The following RGS7 variants were observed in gnomAD, a reference collection of about 807,000 sequenced individuals.
RGS7 encodes the protein regulator of G protein signaling 7.
In RGS7, 27 loss-of-function variants were observed where a neutral mutation model predicts 81.1. That is an observed-to-expected ratio of 0.33 (90% CI 0.25 to 0.46). RGS7 has a LOEUF of 0.46. Ranked by LOEUF, RGS7 falls within the 20% of genes least tolerant of loss-of-function variation. RGS7 has a pLI of 1.00. For synonymous variants in RGS7, 208 were observed against 207.7 expected (o/e 1.00, Z -0.01); for missense variants, 396 against 607.4 (o/e 0.65, Z 3.66).
intron 2 of RGS7, among the ~76,000 whole-genome samples, chr1:241,327,147 G>GAAAAGAAAGAAAGAAAGAAAAGA (rs1553320967): frequency 2.3e-4 from 17 of 74,478 alleles, no homozygotes; most frequent in African/African-American, 6.5e-4. Flanking sequence ...AGAAAGAAAG[G>GAAAAGAAAGAAAGAAAGAAAAGA]AAAGAAAGAA....
chr1:240,878,869 G>GCT (rs1665919196), intron 6 of RGS7, among the ~76,000 whole-genome samples: 1 of 152,036 alleles, frequency 6.6e-6, no homozygotes, highest in African/African-American at 2.4e-5. Context: ...TATGAATGTA[G>GCT]CTCACATTGA....
intron 3 of RGS7, among the ~76,000 whole-genome samples, chr1:241,027,018 C>A (rs150732874): frequency 2.3e-4 from 34 of 149,590 alleles, no homozygotes; most frequent in East Asian, 1.8e-3. Flanking sequence ...ATAAAAAGAC[C>A]CCATCTCTAC....
chr1:241,148,717 A>G (rs568383902), intron 2 of RGS7, among the ~76,000 whole-genome samples: 4 of 152,264 alleles, frequency 2.6e-5, no homozygotes, highest in Non-Finnish European at 5.9e-5. Flanking sequence ...GTGTTATTGT[A>G]AAGATGTGAA....
At chr1:240,801,908 C>G (rs1688083675) in intron 16 of RGS7, among the ~76,000 whole-genome samples, 1 of 152,122 alleles carries the variant, frequency 6.6e-6, no homozygotes, top group Non-Finnish European at 1.5e-5. Context: ...TTCCATAGAG[C>G]ATTAATGTCT....
At chr1:241,338,644 C>A (rs1440010067) in intron 2 of RGS7, among the ~76,000 whole-genome samples, 1 of 151,484 alleles carries the variant, frequency 6.6e-6, no homozygotes, top group Non-Finnish European at 1.5e-5. Context: ...AGGAAAATGG[C>A]AATTTTAAAA....
chr1:240,986,571 ATTTTTTTTTTTTTTTT>A (rs1172119682), intron 3 of RGS7, among the ~76,000 whole-genome samples: 95 of 4,350 alleles, frequency 0.022, 46 homozygotes, highest in African/African-American at 0.08. Context: ...CACCACTATT[ATTTTTTTTTTTTTTTT>A]TTTTTTTTTT....
intron 4 of RGS7, among the ~76,000 whole-genome samples, chr1:240,976,702 T>C (rs1445526784): frequency 6.6e-6 from 1 of 152,022 alleles, no homozygotes; most frequent in East Asian, 1.9e-4. Flanking sequence ...TTCTCAAAAT[T>C]GTGTGAGCAA....
At chr1:241,344,980 A>T (rs1225301904) in intron 2 of RGS7, among the ~76,000 whole-genome samples, 2 of 152,256 alleles carry the variant, frequency 1.3e-5, no homozygotes, top group African/African-American at 4.8e-5. Context: ...CATGGAATTA[A>T]CATAAATGCC....
chr1:240,842,125 T>C (rs1361223358), intron 9 of RGS7, among the ~76,000 whole-genome samples: 2 of 151,790 alleles, frequency 1.3e-5, no homozygotes, highest in African/African-American at 4.8e-5. Context: ...AGCAGTATAA[T>C]TTGACATCAA....
intron 4 of RGS7, among the ~76,000 whole-genome samples, chr1:240,966,246 A>T (rs1337589494): frequency 2.0e-5 from 3 of 152,164 alleles, no homozygotes; most frequent in African/African-American, 7.2e-5. Context: ...AAAAAAGATT[A>T]TTTGCAGGAT....
chr1:240,775,789 C>A lies in RGS7; in HGVS notation c.*431G>T. ...CCACATGTATACTTATTGATATATACTTTTTTCTTTTACAGTTCTTCCAGT... is the reference window on the plus strand; with the variant it reads ...CCACATGTATACTTATTGATATATAATTTTTTCTTTTACAGTTCTTCCAGT... On this transcript the variant is annotated 3_prime_UTR_variant, in exon 19 of 19. Coordinates refer to ENST00000440928, the MANE Select transcript of RGS7 (RefSeq NM_001364886.1). 7.9e-6 allele frequency: 2 copies of A among 251,982 alleles called. No homozygotes were observed. Among genetic ancestry groups the A allele is most frequent in the Non-Finnish European group, 7.9e-6 (1 of 127,060 alleles). The allele number at this position is 251,982 out of a possible 1,614,324, so 15.6% of individuals were successfully genotyped here.
chr1:240,969,973 T>A (rs760947160), intron 4 of RGS7, among the ~76,000 whole-genome samples: 4 of 152,234 alleles, frequency 2.6e-5, no homozygotes, highest in African/African-American at 9.6e-5. Context: ...TTTCTTCAAA[T>A]TTTCTTTCTT....
At chr1:241,212,673 AT>A (rs2074313011) in intron 2 of RGS7, among the ~76,000 whole-genome samples, 1 of 152,170 alleles carries the variant, frequency 6.6e-6, no homozygotes, top group African/African-American at 2.4e-5. Context: ...TCTCATTTCA[AT>A]TGAAGAAATC....
At chr1:240,810,336 A>G (rs1277144961) in intron 14 of RGS7, among the ~76,000 whole-genome samples, 4 of 152,160 alleles carry the variant, frequency 2.6e-5, no homozygotes, top group Non-Finnish European at 5.9e-5. Flanking sequence ...TGATGATACA[A>G]ATGATATCAG....
chr1:241,292,088 C>G (rs2079122771), intron 2 of RGS7, among the ~76,000 whole-genome samples: 3 of 152,206 alleles, frequency 2.0e-5, no homozygotes, highest in Middle Eastern at 3.4e-3. Flanking sequence ...ATGTCTTGTC[C>G]TACTGGAAGG....
chr1:240,834,357 T>G (rs1207399918), intron 9 of RGS7, among the ~76,000 whole-genome samples: 1 of 152,180 alleles, frequency 6.6e-6, no homozygotes, highest in African/African-American at 2.4e-5. Context: ...GTGTATGCTG[T>G]GAATGAACTC....
intron 2 of RGS7, among the ~76,000 whole-genome samples, chr1:241,137,892 C>T (rs959816910): frequency 1.3e-5 from 2 of 152,100 alleles, no homozygotes; most frequent in African/African-American, 2.4e-5. Flanking sequence ...GAATAATGGC[C>T]GGGCACCGTG....
intron 4 of RGS7, among the ~76,000 whole-genome samples, chr1:240,967,525 A>G (rs1682501971): frequency 1.4e-5 from 2 of 146,274 alleles, no homozygotes; most frequent in Admixed American, 6.8e-5. Context: ...CCCCGGGCAC[A>G]AGCAGTGCCC....
At chr1:241,002,857 A>G (rs975257692) in intron 3 of RGS7, among the ~76,000 whole-genome samples, 1 of 152,230 alleles carries the variant, frequency 6.6e-6, no homozygotes, top group Admixed American at 6.5e-5. Context: ...TCATACTTCA[A>G]TAAATTCTAA....
Sources: gnomAD v4.1 joint callset for allele counts (sites outside exome capture counted in the v4.1 genomes callset) on GRCh38, gnomAD v4.1.1 for gene constraint, MANE v1.5 for transcripts, NCBI Gene and HGNC (gene_info 2026-07-23, HGNC 2026-07-21) for gene names.